Variants in KCNT2 observed in about 807,000 individuals in gnomAD.
KCNT2 encodes potassium sodium-activated channel subfamily T member 2.
A neutral mutation model predicts 153.8 loss-of-function variants in KCNT2; 67 were observed. The observed-to-expected ratio is 0.44, with a 90% CI of 0.36 to 0.53. The LOEUF (loss-of-function observed/expected upper bound fraction) is 0.53. KCNT2 is among the 20% of genes least tolerant of loss of function. KCNT2 has a pLI of 0.00. For missense variants in KCNT2, 975 were observed against 1,354.8 expected (o/e 0.72, Z 4.40); for synonymous variants, 500 against 458.8 (o/e 1.09, Z -1.15).
At chr1:196,419,947 C>T (rs116024335) in intron 12 of KCNT2, among the ~76,000 whole-genome samples, 2,224 of 151,928 alleles carry the variant, frequency 0.015, 47 homozygotes, top group African/African-American at 0.051. Context: ...AAAATTTGGG[C>T]GTATTATGTC....
chr1:196,482,926 T>C (rs1379279738), intron 3 of KCNT2, among the ~76,000 whole-genome samples: 5 of 152,088 alleles, frequency 3.3e-5, no homozygotes, highest in African/African-American at 1.2e-4. Flanking sequence ...CTAAAAATGA[T>C]ATATTTTCTG....
At chr1:196,276,588 T>C (rs1353954374) in intron 25 of KCNT2, among the ~76,000 whole-genome samples, 1 of 151,968 alleles carries the variant, frequency 6.6e-6, no homozygotes, top group Non-Finnish European at 1.5e-5. Context: ...CCATAAAACG[T>C]CTGGTTTCCT....
chr1:196,442,179 C>T, intron 8 of KCNT2, among the ~76,000 whole-genome samples: 1 of 151,776 alleles, frequency 6.6e-6, no homozygotes, highest in East Asian at 1.9e-4. Flanking sequence ...AAATTATTTT[C>T]ACGTTTTTAG....
intron 22 of KCNT2, among the ~76,000 whole-genome samples, chr1:196,290,232 C>A (rs545144210): frequency 5.7e-4 from 87 of 152,130 alleles, no homozygotes; most frequent in Admixed American, 2.6e-3. Context: ...TTTTTGTCAG[C>A]ATTCATCCTA....
At chr1:196,463,420 C>T (rs1268316653) in intron 8 of KCNT2, among the ~76,000 whole-genome samples, 1 of 151,580 alleles carries the variant, frequency 6.6e-6, no homozygotes, top group Non-Finnish European at 1.5e-5. Context: ...CCTGTTTATC[C>T]ATTTGAGTTA....
intron 12 of KCNT2, among the ~76,000 whole-genome samples, chr1:196,399,576 T>C (rs1671240068): frequency 6.6e-6 from 1 of 151,736 alleles, no homozygotes; most frequent in Non-Finnish European, 1.5e-5. Context: ...ACAGCACTAT[T>C]AGTGAAAGGA....
chr1:196,584,826 T>A (rs1662475937), intron 1 of KCNT2, among the ~76,000 whole-genome samples: 1 of 152,060 alleles, frequency 6.6e-6, no homozygotes, highest in Non-Finnish European at 1.5e-5. Context: ...AGTACAAATA[T>A]GATTCATGAT....
chr1:196,445,811 G>A (rs1036076546), intron 8 of KCNT2, among the ~76,000 whole-genome samples: 8 of 151,200 alleles, frequency 5.3e-5, no homozygotes, highest in African/African-American at 1.7e-4. Flanking sequence ...AGCAGTCCAT[G>A]AGCATTCAAC....
At chr1:196,558,002 G>A (rs1026094589) in intron 1 of KCNT2, among the ~76,000 whole-genome samples, 1 of 151,296 alleles carries the variant, frequency 6.6e-6, no homozygotes, top group African/African-American at 2.4e-5. Context: ...GACAGAGAAT[G>A]TTCTGTAATA....
chr1:196,297,498 T>C (rs1660782158), intron 22 of KCNT2, among the ~76,000 whole-genome samples: 1 of 152,188 alleles, frequency 6.6e-6, no homozygotes, highest in Non-Finnish European at 1.5e-5. Flanking sequence ...GGGCTCATTA[T>C]GTACAATCAC....
At chr1:196,337,042 T>C (rs1452882352) in intron 16 of KCNT2, among the ~76,000 whole-genome samples, 2 of 152,102 alleles carry the variant, frequency 1.3e-5, no homozygotes, top group African/African-American at 4.8e-5. Context: ...AGATCAGAAA[T>C]ACAAAATTTA....
intron 11 of KCNT2, among the ~76,000 whole-genome samples, chr1:196,424,299 T>C (rs1673460927): frequency 6.6e-6 from 1 of 152,008 alleles, no homozygotes; most frequent in South Asian, 2.1e-4. Context: ...GAAGCCTCCA[T>C]GTATTACACA....
At chr1:196,396,131 G>A (rs1670917792) in intron 13 of KCNT2, among the ~76,000 whole-genome samples, 2 of 151,604 alleles carry the variant, frequency 1.3e-5, no homozygotes, top group Non-Finnish European at 3.0e-5. Context: ...CTGGACAGGT[G>A]AGGTGCTGGT....
At chr1:196,477,281 T>C (rs1678620762) in intron 5 of KCNT2, among the ~76,000 whole-genome samples, 1 of 152,120 alleles carries the variant, frequency 6.6e-6, no homozygotes, top group South Asian at 2.1e-4. Flanking sequence ...TCTTCAAAAC[T>C]CTTGTTTTAA....
At chr1:196,441,580 T>C (rs2148588740) in intron 8 of KCNT2, among the ~76,000 whole-genome samples, 1 of 151,652 alleles carries the variant, frequency 6.6e-6, no homozygotes, top group East Asian at 1.9e-4. Flanking sequence ...GCCAGTCCTA[T>C]AGAATATACT....
chr1:196,502,845 T>C (rs986356161), intron 1 of KCNT2, among the ~76,000 whole-genome samples: 26 of 152,034 alleles, frequency 1.7e-4, no homozygotes, highest in South Asian at 4.1e-4. Flanking sequence ...CAACCCCAAT[T>C]TGATTTAAAT....
rs944156620 is a variant in KCNT2, at chr1:196,593,321, C to T, written c.95+14894G>A. On this transcript the variant is annotated intron_variant, in intron 1 of 27. Coordinates refer to ENST00000294725, the MANE Select transcript of KCNT2 (RefSeq NM_198503.5). The stretch of plus-strand genomic sequence containing the variant: ...ATATATATATATATATACACACACA[C>T]ACACACACACACACACACACATATA... 9.6e-3 allele frequency among the ~76,000 whole-genome samples: 1,387 copies of T among 144,194 alleles called. 20 individuals carry two copies. Among genetic ancestry groups the T allele is most frequent in the African/African-American group, 0.032 (1,202 of 37,030 alleles). 94.6% of individuals were successfully genotyped at this position (144,194 alleles called of 152,430 possible).
chr1:196,575,049 G>C (rs1026818854), intron 1 of KCNT2, among the ~76,000 whole-genome samples: 9 of 151,936 alleles, frequency 5.9e-5, no homozygotes. Context: ...AATTATAAAA[G>C]TATAAAGAAA....
chr1:196,386,302 C>G (rs543406570), intron 13 of KCNT2, among the ~76,000 whole-genome samples: 1 of 152,118 alleles, frequency 6.6e-6, no homozygotes, highest in African/African-American at 2.4e-5. Context: ...AAATTCCTGA[C>G]CCACAGAAAC....
Sources: allele counts gnomAD v4.1 joint callset (sites outside exome capture counted in the v4.1 genomes callset), GRCh38; gene constraint gnomAD v4.1.1; transcripts MANE v1.5; gene names NCBI Gene and HGNC (gene_info 2026-07-23, HGNC 2026-07-21).